Variants in KMT5B observed in about 807,000 individuals in gnomAD.
The protein encoded by KMT5B is histone-lysine N-methyltransferase KMT5B.
A neutral mutation model predicts 83.2 loss-of-function variants in KMT5B; 10 were observed. That is an observed-to-expected ratio of 0.12 (90% CI 0.07 to 0.20). The LOEUF is 0.20. Among genes scored for constraint, KMT5B ranks in the 10% least tolerant of loss-of-function variants. KMT5B has a pLI of 1.00. For missense variants in KMT5B, 753 were observed against 1,067.2 expected (o/e 0.71, Z 4.10); for synonymous variants, 349 against 388.8 (o/e 0.90, Z 1.20).
intron 4 of KMT5B, among the ~76,000 whole-genome samples, chr11:68,178,508 G>C (rs563517582): frequency 6.6e-6 from 1 of 152,198 alleles, no homozygotes; most frequent in African/African-American, 2.4e-5. Flanking sequence ...GCTACCAATA[G>C]CAAGAACCTC....
At chr11:68,161,663 T>C (rs1854881237) in intron 10 of KMT5B, among the ~76,000 whole-genome samples, 1 of 152,186 alleles carries the variant, frequency 6.6e-6, no homozygotes, top group Non-Finnish European at 1.5e-5. Context: ...AATGTGACAC[T>C]GATAACCACT....
intron 3 of KMT5B, among the ~76,000 whole-genome samples, chr11:68,180,727 A>C (rs375473222): frequency 5.9e-5 from 9 of 152,260 alleles, no homozygotes; most frequent in African/African-American, 2.2e-4. Flanking sequence ...GGATACTGTG[A>C]CATCTCAGGG....
At chr11:68,186,982 C>G (rs1857494841) in intron 2 of KMT5B, among the ~76,000 whole-genome samples, 1 of 151,966 alleles carries the variant, frequency 6.6e-6, no homozygotes, top group Non-Finnish European at 1.5e-5. Flanking sequence ...AAATACAATT[C>G]ACATACGACA....
intron 3 of KMT5B, among the ~76,000 whole-genome samples, chr11:68,184,720 C>A (rs1857268826): frequency 6.6e-6 from 1 of 152,142 alleles, no homozygotes; most frequent in South Asian, 2.1e-4. Flanking sequence ...TTATGCTTTT[C>A]CACCAGGCTA....
chr11:68,171,408 T>G lies in KMT5B; in HGVS notation c.820+135A>C, dbSNP rs1855824475. On this transcript the variant is annotated intron_variant, in intron 7 of 10. Transcript: ENST00000304363. The surrounding 1 kb of genome is among the most constrained non-coding windows in gnomAD (Gnocchi z 5.1). ...CTAAAGGAATATACATTTATTTTAA[T>G]AAGTTTGTGGAAACATTTCTATTTC... 7.8e-6 allele frequency: 10 copies of G among 1,276,404 alleles called. No homozygotes were observed. The highest frequency in any genetic ancestry group is 1.1e-5 in the Non-Finnish European group (10 of 920,086). The allele number at this position is 1,276,404 out of a possible 1,614,324, so 79.1% of individuals were successfully genotyped here.
At chr11:68,177,380 C>T (rs1176313665) in intron 4 of KMT5B, among the ~76,000 whole-genome samples, 1 of 152,140 alleles carries the variant, frequency 6.6e-6, no homozygotes, top group Admixed American at 6.6e-5. Flanking sequence ...GAAGTCTAAG[C>T]AGAAGATCTT....
chr11:68,178,096 T>C lies in KMT5B; in HGVS notation c.377+2036A>G, dbSNP rs148473465. 3.3e-5 allele frequency among the ~76,000 whole-genome samples: 5 copies of C among 152,346 alleles called. No individual in the cohort carries two copies. In the East Asian group the frequency reaches 9.6e-4, roughly 29 times the overall value. ...GGCAATCAGAAAAGCAATAGTTCAC[T>C]TTAAGCAAATGCAATAAATTATCCA... On this transcript the variant is annotated intron_variant, in intron 4 of 10. Coordinates refer to ENST00000304363, the MANE Select transcript of KMT5B (RefSeq NM_017635.5).
intron 10 of KMT5B, chr11:68,166,384 C>T (rs1035543111): frequency 4.9e-6 from 5 of 1,021,088 alleles, no homozygotes; most frequent in Non-Finnish European, 4.7e-6. Context: ...TTTCTCCTTT[C>T]CATCTTTACT....
chr11:68,210,251 G>GC (rs952935846), intron 1 of KMT5B, among the ~76,000 whole-genome samples: 1 of 152,022 alleles, frequency 6.6e-6, no homozygotes, highest in Non-Finnish European at 1.5e-5. Context: ...AGCTTTGGGG[G>GC]GGGGGACACT....
intron 1 of KMT5B, among the ~76,000 whole-genome samples, chr11:68,202,958 G>A (rs1859641851): frequency 1.3e-5 from 2 of 151,896 alleles, no homozygotes; most frequent in South Asian, 4.1e-4. Flanking sequence ...AGAATTGCCG[G>A]GTCATATGGT....
rs1464156108 is a variant in KMT5B, at chr11:68,155,486, AAT to A, written c.*2200_*2201del. The A allele has an allele frequency of 6.6e-6, 1 of 152,202 alleles. No individual in the cohort carries two copies. Among genetic ancestry groups the A allele is most frequent in the Non-Finnish European group, 1.5e-5 (1 of 68,038 alleles). 9.4% of individuals were successfully genotyped at this position (152,202 alleles called of 1,614,324 possible). A position where few individuals can be genotyped will look rare whatever the true frequency, so the allele number is the denominator to read the frequency against. On this transcript the variant is annotated 3_prime_UTR_variant, in exon 11 of 11. Coordinates refer to ENST00000304363, the MANE Select transcript of KMT5B (RefSeq NM_017635.5). Reference sequence around the variant, plus strand: ...ATTCAGCTGAAAAATGAAAATGGGAAATGTGTTTTGTCACTTTTTAAGATCGA... The same window carrying A: ...ATTCAGCTGAAAAATGAAAATGGGAAGTGTTTTGTCACTTTTTAAGATCGA...
At chr11:68,198,139 T>C (rs1276175900) in intron 1 of KMT5B, among the ~76,000 whole-genome samples, 3 of 152,182 alleles carry the variant, frequency 2.0e-5, no homozygotes, top group Non-Finnish European at 4.4e-5. Context: ...ATCCCAGCAC[T>C]TTGGGAGGCC....
At chr11:68,173,745 C>A in intron 6 of KMT5B, 59 bp downstream of exon 6, 1 of 1,165,134 alleles carries the variant, frequency 8.6e-7, no homozygotes. Context: ...AGCACTTCAA[C>A]AATAATTTAG....
In KMT5B at chr11:68,207,201, G is replaced by A. The variant is rs377250090; in HGVS notation, c.-77+5937C>T. Among the ~76,000 whole-genome samples, 43 of 148,274 alleles carry A rather than the reference G, an allele frequency of 2.9e-4. 1 individual carries two copies. The East Asian group carries it at 5.7e-3, about 20-fold the overall frequency. On this transcript the variant is annotated intron_variant, in intron 1 of 10. Coordinates refer to ENST00000304363, the MANE Select transcript of KMT5B (RefSeq NM_017635.5). ...TGCACTCCAGCCTCGGCGACAGAGC[G>A]AGACTCCGTTTCAAAAAAAAAAAAA...
chr11:68,159,594 GCT>G (rs1854676954), intron 10 of KMT5B, among the ~76,000 whole-genome samples: 1 of 152,112 alleles, frequency 6.6e-6, no homozygotes, highest in Non-Finnish European at 1.5e-5. Context: ...AAAATCCATT[GCT>G]CATTAACCTA....
intron 5 of KMT5B, among the ~76,000 whole-genome samples, chr11:68,174,681 G>A (rs543072450): frequency 2.6e-5 from 4 of 152,232 alleles, no homozygotes; most frequent in African/African-American, 9.6e-5. Flanking sequence ...AACTACAAAG[G>A]TACACACTAC....
chr11:68,179,955 G>A lies in KMT5B; in HGVS notation c.377+177C>T, dbSNP rs942630069. 9 of 664,772 alleles carry A rather than the reference G, an allele frequency of 1.4e-5. 1 individual carries two copies. Among genetic ancestry groups the A allele is most frequent in the Non-Finnish European group, 1.9e-5 (8 of 412,282 alleles). The allele number at this position is 664,772 out of a possible 1,614,324, so 41.2% of individuals were successfully genotyped here. A position where few individuals can be genotyped will look rare whatever the true frequency, so the allele number is the denominator to read the frequency against. On this transcript the variant is annotated intron_variant, in intron 4 of 10. Coordinates refer to ENST00000304363, the MANE Select transcript of KMT5B (RefSeq NM_017635.5). ...GTTTCTCTTAAAATCACCCTGTTATGAAGTACAAGTGGTTTTTTAAAAAAT... is the reference window on the plus strand; with the variant it reads ...GTTTCTCTTAAAATCACCCTGTTATAAAGTACAAGTGGTTTTTTAAAAAAT...
intron 1 of KMT5B, among the ~76,000 whole-genome samples, chr11:68,191,413 AACCTCC>A (rs1197998597): frequency 6.6e-6 from 1 of 152,058 alleles, no homozygotes; most frequent in Non-Finnish European, 1.5e-5. Context: ...TTCTCATTGC[AACCTCC>A]ACCTCCCAGG....
chr11:68,197,645 G>C (rs945147523), intron 1 of KMT5B, among the ~76,000 whole-genome samples: 26 of 152,002 alleles, frequency 1.7e-4, no homozygotes, highest in African/African-American at 5.6e-4. Context: ...GATCCAAACT[G>C]GAAAAAATCT....
Sources: allele counts gnomAD v4.1 joint callset (sites outside exome capture counted in the v4.1 genomes callset), GRCh38; gene constraint gnomAD v4.1.1; non-coding constraint Gnocchi (gnomAD v3.1); transcripts MANE v1.5; gene names NCBI Gene and HGNC (gene_info 2026-07-23, HGNC 2026-07-21).